NRG1: variants seen among roughly 807,000 people sequenced by gnomAD.
The protein encoded by NRG1 is pro-neuregulin-1, membrane-bound isoform.
A neutral mutation model predicts 63.8 loss-of-function variants in NRG1; 18 were observed. The ratio of observed to expected loss-of-function variants is 0.28; its 90% confidence interval spans 0.19 to 0.42. The LOEUF is 0.42. Ranked by LOEUF, NRG1 falls within the 10% of genes least tolerant of loss-of-function variation. The probability of loss-of-function intolerance (pLI) is 1.00; values close to 1 mark genes in which losing one functional copy is unlikely to be tolerated. For missense variants in NRG1, 762 were observed against 814.7 expected, an observed-to-expected ratio of 0.94 and a Z score of 0.79; for synonymous variants, 302 against 301.3, an observed-to-expected ratio of 1.00 and a Z score of -0.02.
chr8:32,134,419 T>C (rs1389518768), intron 1 of NRG1, among the ~76,000 whole-genome samples: 1 of 152,154 alleles, frequency 6.6e-6, no homozygotes, highest in Non-Finnish European at 1.5e-5. Context: ...TTCATGTACA[T>C]GCATCAATTA....
At chr8:32,481,576 A>G in intron 1 of NRG1, among the ~76,000 whole-genome samples, 1 of 152,210 alleles carries the variant, frequency 6.6e-6, no homozygotes, top group East Asian at 1.9e-4. Context: ...TATGGACCTA[A>G]TGGTCAAACT....
intron 5 of NRG1, chr8:32,647,582 C>T: frequency 7.2e-7 from 1 of 1,394,412 alleles, no homozygotes; most frequent in Non-Finnish European, 9.3e-7. Context: ...CTGAACTCTT[C>T]TTGATTTTAA....
chr8:32,371,761 C>T (rs979977985), intron 1 of NRG1, among the ~76,000 whole-genome samples: 1 of 152,100 alleles, frequency 6.6e-6, no homozygotes, highest in African/African-American at 2.4e-5. Context: ...GGATAAAATC[C>T]TCAAACTAAG....
At chr8:31,769,585 G>T (rs1021592195) in intron 1 of NRG1, among the ~76,000 whole-genome samples, 1 of 152,258 alleles carries the variant, frequency 6.6e-6, no homozygotes, top group Middle Eastern at 3.4e-3. Context: ...TGCCAAAGGT[G>T]CATATTTAAG....
intron 1 of NRG1, among the ~76,000 whole-genome samples, chr8:31,933,368 C>T (rs1835023669): frequency 6.6e-6 from 1 of 151,910 alleles, no homozygotes; most frequent in African/African-American, 2.4e-5. Flanking sequence ...GCAATCTCTG[C>T]CTCCTGGGTT....
At chr8:32,622,490 C>A (rs1390289304) in intron 5 of NRG1, among the ~76,000 whole-genome samples, 1 of 152,054 alleles carries the variant, frequency 6.6e-6, no homozygotes, top group Non-Finnish European at 1.5e-5. Flanking sequence ...GCAGCCTTGA[C>A]CTCCTGGGCT....
At chr8:32,230,035 C>A (rs1449507109) in intron 1 of NRG1, among the ~76,000 whole-genome samples, 1 of 152,174 alleles carries the variant, frequency 6.6e-6, no homozygotes, top group East Asian at 1.9e-4. Flanking sequence ...TCACACCTTG[C>A]CCTTTACTAA....
At chr8:32,261,777 G>A (rs1364400203) in intron 1 of NRG1, among the ~76,000 whole-genome samples, 1 of 152,118 alleles carries the variant, frequency 6.6e-6, no homozygotes, top group Non-Finnish European at 1.5e-5. Flanking sequence ...CCTAATTTGG[G>A]ACTTATATCT....
chr8:32,233,795 T>A (rs1447342490), intron 1 of NRG1, among the ~76,000 whole-genome samples: 1 of 151,656 alleles, frequency 6.6e-6, no homozygotes, highest in Non-Finnish European at 1.5e-5. Flanking sequence ...GATCTCTTGA[T>A]CTCGTGATCC....
rs542547066 is a variant in NRG1 at position 32,251,023 on chromosome 8, A to C, written c.38-344805A>C. On this transcript the variant is annotated intron_variant, in intron 1 of 10. Coordinates refer to the NRG1 transcript ENST00000519301. ...AAAGGCAAAGTTACTGCTTAGTTGA[A>C]ATTTACATTCTAGTATAAAAATTGC... Among the ~76,000 whole-genome samples, 11 of 152,116 alleles carry C rather than the reference A, an allele frequency of 7.2e-5. No homozygotes were observed. In the East Asian group the frequency reaches 1.7e-3, roughly 24 times the overall value.
At chr8:31,895,367 AG>A (rs1831496124) in intron 1 of NRG1, among the ~76,000 whole-genome samples, 1 of 152,266 alleles carries the variant, frequency 6.6e-6, no homozygotes, top group South Asian at 2.1e-4. Context: ...TTTTGGCTTG[AG>A]TACCTGGCTT....
intron 1 of NRG1, among the ~76,000 whole-genome samples, chr8:32,568,882 AAAAC>A (rs1415010379): frequency 9.8e-5 from 15 of 152,292 alleles, no homozygotes; most frequent in East Asian, 3.9e-4. Context: ...ACAGAGAAAT[AAAAC>A]AAACAAACAA....
chr8:32,341,144 C>T (rs536861189), intron 1 of NRG1, among the ~76,000 whole-genome samples: 1 of 152,336 alleles, frequency 6.6e-6, no homozygotes, highest in African/African-American at 2.4e-5. Flanking sequence ...TATAGATATA[C>T]TGTCTTAAGC....
chr8:32,104,415 G>A (rs1830990308), intron 1 of NRG1, among the ~76,000 whole-genome samples: 1 of 152,122 alleles, frequency 6.6e-6, no homozygotes, highest in Non-Finnish European at 1.5e-5. Flanking sequence ...GTGAGAGAGT[G>A]TGAAGGCCTA....
chr8:31,878,833 G>T (rs1234242040), intron 1 of NRG1, among the ~76,000 whole-genome samples: 1 of 152,074 alleles, frequency 6.6e-6, no homozygotes, highest in Non-Finnish European at 1.5e-5. Context: ...CTTCAGTATG[G>T]CCACTTACTT....
intron 1 of NRG1, among the ~76,000 whole-genome samples, chr8:31,805,673 A>G (rs1822197030): frequency 6.6e-6 from 1 of 151,890 alleles, no homozygotes; most frequent in African/African-American, 2.4e-5. Flanking sequence ...CTAAAAATAC[A>G]AAAAGTTAGC....
intron 1 of NRG1, among the ~76,000 whole-genome samples, chr8:32,489,577 G>T (rs1256585199): frequency 6.6e-6 from 1 of 152,128 alleles, no homozygotes; most frequent in Admixed American, 6.5e-5. Flanking sequence ...CTTTTCTTAA[G>T]GAGACTCCCA....
chr8:31,658,565 C>T (rs1195061140), intron 1 of NRG1, among the ~76,000 whole-genome samples: 6 of 152,142 alleles, frequency 3.9e-5, no homozygotes, highest in Admixed American at 6.5e-5. Flanking sequence ...CTGGATCAAG[C>T]GATTCTCGTG....
intron 1 of NRG1, among the ~76,000 whole-genome samples, chr8:32,103,397 G>A (rs1467666435): frequency 1.3e-5 from 2 of 152,168 alleles, no homozygotes; most frequent in Non-Finnish European, 2.9e-5. Flanking sequence ...GTACTCCATT[G>A]TTTATATGTA....
Sources: gnomAD v4.1 joint callset for allele counts (sites outside exome capture counted in the v4.1 genomes callset) on GRCh38, gnomAD v4.1.1 for gene constraint, MANE v1.5 for transcripts, NCBI Gene and HGNC (gene_info 2026-07-23, HGNC 2026-07-21) for gene names.